Variants in ATP13A4 observed in about 807,000 individuals in gnomAD.
ATP13A4 encodes the protein ATPase 13A4.
A neutral mutation model predicts 142.5 loss-of-function variants in ATP13A4; 114 were observed. The ratio of observed to expected loss-of-function variants is 0.80; its 90% CI spans 0.69 to 0.93. The LOEUF is 0.93. ATP13A4 is among the 40% of genes least tolerant of loss of function. The pLI is 0.00. For missense variants in ATP13A4, 1,392 were observed against 1,454.0 expected (o/e 0.96, Z 0.69); for synonymous variants, 488 against 514.8 (o/e 0.95, Z 0.70).
chr3:193,407,240 A>G, intron 29 of ATP13A4, 73 bp downstream of exon 29: 1 of 1,369,136 alleles, frequency 7.3e-7, no homozygotes, highest in East Asian at 2.4e-5. Flanking sequence ...TTGTTTTCAG[A>G]GTCCCAAAGA....
At chr3:193,580,771 A>G (rs1724522707) in intron 2 of ATP13A4, among the ~76,000 whole-genome samples, 1 of 152,202 alleles carries the variant, frequency 6.6e-6, no homozygotes, top group Non-Finnish European at 1.5e-5. Flanking sequence ...GGTTTTGAAC[A>G]TGACATTGGC....
intron 12 of ATP13A4, 50 bp from the exon 13 acceptor site, chr3:193,462,873 G>C (rs376637995): frequency 1.3e-6 from 2 of 1,569,806 alleles, no homozygotes; most frequent in Non-Finnish European, 1.8e-6. Flanking sequence ...GGCAAGGAGC[G>C]GTGGCTCATG....
intron 29 of ATP13A4, among the ~76,000 whole-genome samples, chr3:193,406,477 T>C (rs1157768100): frequency 3.9e-5 from 6 of 152,172 alleles, no homozygotes; most frequent in African/African-American, 1.4e-4. Context: ...ATAAATGCCT[T>C]TTCAGGGCAC....
chr3:193,489,818 CACAA>C lies in ATP13A4; in HGVS notation c.646_649del (p.Leu216GlyfsTer14), dbSNP rs1719846963. ...ATATTCCTTATAGTCTTCACTAAAC[CACAA>C]ACAGACACTGAAGAGTTGAAATATA... On this transcript the variant is annotated frameshift_variant, in exon 7 of 30. Coordinates refer to ENST00000342695, the MANE Select transcript of ATP13A4 (RefSeq NM_032279.4). LOFTEE classifies it high-confidence loss of function. 1 of 1,611,608 alleles carries C rather than the reference CACAA, an allele frequency of 6.2e-7. No individual in the cohort carries two copies. The highest frequency in any genetic ancestry group is 2.2e-5 in the East Asian group (1 of 44,812).
intron 29 of ATP13A4, 144 bp from the exon 30 acceptor site, chr3:193,403,008 T>A: frequency 1.3e-6 from 1 of 751,390 alleles, no homozygotes; most frequent in East Asian, 2.7e-5. Context: ...CAATCTAAGG[T>A]GGTTTCATTG....
At chr3:193,477,709 C>A (rs2108653572) in intron 8 of ATP13A4, among the ~76,000 whole-genome samples, 1 of 152,138 alleles carries the variant, frequency 6.6e-6, no homozygotes, top group Non-Finnish European at 1.5e-5. Flanking sequence ...AGACCAAGTC[C>A]AGATGACTAC....
chr3:193,502,896 G>T (rs867183802), intron 2 of ATP13A4, among the ~76,000 whole-genome samples: 1 of 152,110 alleles, frequency 6.6e-6, no homozygotes, highest in South Asian at 2.1e-4. Flanking sequence ...AGGCTCATTC[G>T]CAGGTAAGAA....
intron 1 of ATP13A4, among the ~76,000 whole-genome samples, chr3:193,549,935 C>T (rs536055158): frequency 1.5e-4 from 23 of 152,140 alleles, no homozygotes; most frequent in Admixed American, 1.5e-3. Context: ...TGCAAACAAA[C>T]GGATGATATC....
intron 3 of ATP13A4, among the ~76,000 whole-genome samples, chr3:193,501,035 T>G (rs1344966873): frequency 6.6e-6 from 1 of 152,210 alleles, no homozygotes; most frequent in African/African-American, 2.4e-5. Flanking sequence ...ATGAAGATAG[T>G]ACACCTATCA....
chr3:193,426,645 A>G (rs1715682882), intron 25 of ATP13A4, among the ~76,000 whole-genome samples: 1 of 151,972 alleles, frequency 6.6e-6, no homozygotes, highest in Admixed American at 6.6e-5. Flanking sequence ...ACATGAGGAA[A>G]TACATGTAGA....
rs570424746 is a variant in ATP13A4, at chr3:193,415,738, TGCAGTTGCCTAGG to T, written c.2843-1001_2843-989del. Among the ~76,000 whole-genome samples, 405 of 152,274 alleles carry T rather than the reference TGCAGTTGCCTAGG, an allele frequency of 2.7e-3. 4 individuals are homozygous for T. The highest frequency in any genetic ancestry group is 9.3e-3 in the African/African-American group (385 of 41,552). ...TTGAAAACATTATTAGGCTAACAAA[TGCAGTTGCCTAGG>T]GCAAAAAAATTACAGTTGATACATA... On this transcript the variant is annotated intron_variant, in intron 25 of 29. Transcript: ENST00000342695.
chr3:193,593,014 C>T, intron 1 of ATP13A4: 3 of 278,368 alleles, frequency 1.1e-5, no homozygotes, highest in Non-Finnish European at 2.0e-5. Flanking sequence ...CTGGCCAAAT[C>T]TCTAACCTGC....
Position 193,470,917 on chromosome 3 carries a change from C to T in ATP13A4, c.885G>A (p.Met295Ile). 6.2e-7 allele frequency: 1 copy of T among 1,614,150 alleles called. No individual in the cohort carries two copies. Among genetic ancestry groups the T allele is most frequent in the Non-Finnish European group, 8.5e-7 (1 of 1,180,028 alleles). ...LLILTGNKVL[M>I]PCDAVLIEGS... ...CTTCAATCAGAACGGCATCACATGG[C>T]ATTAGCACTTTGTTCCCTGTCAAAA... Residue 295 changes from methionine to isoleucine, a missense_variant, in exon 9 of 30, where the codon ATG becomes ATA. Physicochemically the swap from Met to Ile is conservative, Grantham distance 10 (BLOSUM62 1). Coordinates refer to ENST00000342695, the MANE Select transcript of ATP13A4 (RefSeq NM_032279.4).
At chr3:193,418,686 T>C (rs529335251) in intron 25 of ATP13A4, among the ~76,000 whole-genome samples, 1 of 150,062 alleles carries the variant, frequency 6.7e-6, no homozygotes, top group East Asian at 2.1e-4. Flanking sequence ...TCACAGGCAC[T>C]GAACCAGCTG....
intron 25 of ATP13A4, among the ~76,000 whole-genome samples, chr3:193,427,141 A>G (rs1715709922): frequency 6.6e-6 from 1 of 152,146 alleles, no homozygotes; most frequent in Admixed American, 6.6e-5. Context: ...CAAAAATCAC[A>G]AGCATTCTTA....
intron 8 of ATP13A4, among the ~76,000 whole-genome samples, chr3:193,472,786 C>T (rs1204688809): frequency 6.6e-6 from 1 of 152,132 alleles, no homozygotes; most frequent in Non-Finnish European, 1.5e-5. Flanking sequence ...TTGGAATGTA[C>T]CTCCCGCAGA....
intron 25 of ATP13A4, among the ~76,000 whole-genome samples, chr3:193,420,277 C>T (rs1213672665): frequency 6.7e-6 from 1 of 149,450 alleles, no homozygotes; most frequent in Non-Finnish European, 1.5e-5. Context: ...TGGCATTGAT[C>T]TTAGCTGAAA....
chr3:193,488,328 T>C (rs1380973813), intron 7 of ATP13A4, among the ~76,000 whole-genome samples: 1 of 152,192 alleles, frequency 6.6e-6, no homozygotes, highest in Non-Finnish European at 1.5e-5. Context: ...TTCATTCTGT[T>C]AAACAAATTA....
chr3:193,469,091 A>G (rs1718467751), intron 9 of ATP13A4, among the ~76,000 whole-genome samples: 1 of 152,216 alleles, frequency 6.6e-6, no homozygotes, highest in Non-Finnish European at 1.5e-5. Context: ...GAAGCAGACA[A>G]GATTACTTAG....
Sources: allele counts gnomAD v4.1 joint callset (sites outside exome capture counted in the v4.1 genomes callset), GRCh38; gene constraint gnomAD v4.1.1; transcripts MANE v1.5; gene names NCBI Gene and HGNC (gene_info 2026-07-23, HGNC 2026-07-21).